APLF: variants seen among roughly 807,000 people sequenced by gnomAD.
APLF encodes the protein aprataxin and PNKP like factor.
A neutral mutation model predicts 55.6 loss-of-function variants in APLF; 61 were observed. The ratio of observed to expected loss-of-function variants is 1.10; its 90% confidence interval spans 0.89 to 1.36. The LOEUF is 1.36. APLF is among the 40% of genes most tolerant of loss of function. The pLI, the probability that APLF is intolerant of heterozygous loss-of-function variation, is 0.00. For missense variants in APLF, 611 were observed against 602.5 expected (o/e 1.01, Z -0.15); for synonymous variants, 207 against 214.8 (o/e 0.96, Z 0.32).
rs1295708645 is a variant in APLF, at chr2:68,579,361, A to C, written c.*1339A>C. On this transcript the variant is annotated 3_prime_UTR_variant, in exon 10 of 10. Coordinates refer to ENST00000303795, the MANE Select transcript of APLF (RefSeq NM_173545.3). ...GTCCCTTTAGCCTTGGTAGTATAAC[A>C]AATCTACGAATGTAATATTTAACTT... 1 of 978,480 alleles carries C rather than the reference A, an allele frequency of 1.0e-6. No homozygotes were observed. The highest frequency in any genetic ancestry group is 1.2e-6 in the Non-Finnish European group (1 of 823,728). The allele number at this position is 978,480 out of a possible 1,614,324, so 60.6% of individuals were successfully genotyped here. A position where few individuals can be genotyped will look rare whatever the true frequency, so the allele number is the denominator to read the frequency against.
At chr2:68,570,891 A>G (rs929109702) in intron 9 of APLF, among the ~76,000 whole-genome samples, 4 of 152,182 alleles carry the variant, frequency 2.6e-5, no homozygotes, top group African/African-American at 9.6e-5. Flanking sequence ...ACAATGGTTG[A>G]ACTAGTTTAC....
chr2:68,566,702 T>C lies in APLF; in HGVS notation c.1287-639T>C, dbSNP rs374447919. 2.6e-4 allele frequency among the ~76,000 whole-genome samples: 40 copies of C among 152,202 alleles called. 1 individual carries two copies. Among genetic ancestry groups the C allele is most frequent in the African/African-American group, 9.4e-4 (39 of 41,536 alleles). On this transcript the variant is annotated intron_variant, in intron 8 of 9. Coordinates refer to ENST00000303795, the MANE Select transcript of APLF (RefSeq NM_173545.3). ...GGATATTTGGAGAATGTCTTGTACA[T>C]ATAGGGTACCCAAACATTTGTTTAA... is the stretch of plus-strand genomic sequence containing the variant.
chr2:68,517,308 T>G (rs1254853361), intron 5 of APLF, among the ~76,000 whole-genome samples: 1 of 118,848 alleles, frequency 8.4e-6, no homozygotes, highest in East Asian at 2.2e-4. Flanking sequence ...CATTACTATA[T>G]AATATATTAA....
intron 8 of APLF, chr2:68,563,008 T>C: frequency 1.1e-6 from 1 of 949,708 alleles, no homozygotes; most frequent in Non-Finnish European, 1.3e-6. Flanking sequence ...CAACAGCAAA[T>C]TTTTGAGCCT....
chr2:68,552,156 T>G (rs1670884643), intron 8 of APLF, among the ~76,000 whole-genome samples: 1 of 152,146 alleles, frequency 6.6e-6, no homozygotes, highest in Admixed American at 6.6e-5. Context: ...GCTAGTTATG[T>G]TTGTTGCAAA....
Position 68,545,026 on chromosome 2 carries a change from A to G in APLF, c.1161-161A>G, listed in dbSNP as rs76506077. ...TTATGTCATCAACTTTATGTCATCA[A>G]TTTAGCATGTTGATGTAATCTGCGC... is the stretch of plus-strand genomic sequence containing the variant. On this transcript the variant is annotated intron_variant, in intron 7 of 9. Transcript: ENST00000303795. 6.2e-3 allele frequency among the ~76,000 whole-genome samples: 939 copies of G among 152,254 alleles called. 28 individuals are homozygous for G. Among genetic ancestry groups the G allele is most frequent in the Admixed American group, 0.047 (712 of 15,282 alleles).
intron 3 of APLF, among the ~76,000 whole-genome samples, chr2:68,507,350 C>T (rs1676897629): frequency 6.6e-6 from 1 of 151,882 alleles, no homozygotes. Context: ...AAGAGCTTGT[C>T]ATTTCTTTAG....
chr2:68,579,459 T>TGTTTTCAATTCCTC lies in APLF; in HGVS notation c.*1437_*1438insGTTTTCAATTCCTC. ...ACTCCTAGGTATATACCCAGAGGAA[T>TGTTTTCAATTCCTC]TGAAAACATTTCCACATAAAAACTG... On this transcript the variant is annotated 3_prime_UTR_variant, in exon 10 of 10. Transcript: ENST00000303795. The TGTTTTCAATTCCTC allele has an allele frequency of 1.1e-6, 1 of 889,146 alleles. No homozygotes were observed. Among genetic ancestry groups the TGTTTTCAATTCCTC allele is most frequent in the Non-Finnish European group, 1.3e-6 (1 of 742,394 alleles). The allele number at this position is 889,146 out of a possible 1,614,324, so 55.1% of individuals were successfully genotyped here. A position where few individuals can be genotyped will look rare whatever the true frequency, so the allele number is the denominator to read the frequency against.
At chr2:68,519,801 G>C (rs1327474997) in intron 5 of APLF, among the ~76,000 whole-genome samples, 1 of 151,396 alleles carries the variant, frequency 6.6e-6, no homozygotes, top group African/African-American at 2.4e-5. Context: ...TCTTTTTCAT[G>C]TAATGACTTC....
chr2:68,470,124 T>C (rs540019599), intron 1 of APLF, among the ~76,000 whole-genome samples: 1 of 152,362 alleles, frequency 6.6e-6, no homozygotes, highest in East Asian at 1.9e-4. Context: ...TAGATTTTGA[T>C]TCTGCTCCAT....
At chr2:68,502,236 G>A (rs1227659346) in intron 2 of APLF, among the ~76,000 whole-genome samples, 2 of 152,074 alleles carry the variant, frequency 1.3e-5, no homozygotes, top group African/African-American at 4.8e-5. Context: ...TGGACTTTGG[G>A]GGACACATTC....
At chr2:68,518,581 A>ATAATATATCAT (rs1669744388) in intron 5 of APLF, among the ~76,000 whole-genome samples, 1 of 89,180 alleles carries the variant, frequency 1.1e-5, no homozygotes, top group Non-Finnish European at 1.8e-5. Context: ...TAATATATCA[A>ATAATATATCAT]TAATATATCA....
rs1176720778 is a variant in APLF at position 68,529,150 on chromosome 2, G to A, written c.804+2908G>A. ...TCCTGGAGTTGCGAGCAGACAGCAC[G>A]GGTTTCTTCCTTGAGGGGGGGCTCC... On this transcript the variant is annotated intron_variant, in intron 6 of 9. Coordinates refer to ENST00000303795, the MANE Select transcript of APLF (RefSeq NM_173545.3). This position sits in a 1 kb window ranked among gnomAD's most constrained non-coding sequence, Gnocchi z 4.4. 3.3e-5 allele frequency: 43 copies of A among 1,307,752 alleles called. 1 individual carries two copies. In the South Asian group the frequency reaches 3.9e-4, roughly 12 times the overall value. 81.0% of individuals were successfully genotyped at this position (1,307,752 alleles called of 1,614,324 possible). A position where few individuals can be genotyped will look rare whatever the true frequency, so the allele number is the denominator to read the frequency against.
At chr2:68,509,184 C>T (rs80144952) in intron 3 of APLF, among the ~76,000 whole-genome samples, 11,859 of 152,062 alleles carry the variant, frequency 0.078, 1,332 homozygotes, top group African/African-American at 0.25. Context: ...GTCTAAAACA[C>T]CAAAAGCAAT....
chr2:68,486,106 T>C (rs1176101636), intron 1 of APLF, among the ~76,000 whole-genome samples: 2 of 152,106 alleles, frequency 1.3e-5, no homozygotes, highest in East Asian at 3.9e-4. Flanking sequence ...AGAGTTTTTT[T>C]GCACTGGTTT....
chr2:68,536,639 A>T (rs13391455), intron 6 of APLF, among the ~76,000 whole-genome samples: 14,405 of 152,190 alleles, frequency 0.095, 825 homozygotes, highest in African/African-American at 0.15. Context: ...AGTACAAATT[A>T]TAAAGGTTCT....
At chr2:68,536,064 G>A (rs1318557254) in intron 6 of APLF, among the ~76,000 whole-genome samples, 1 of 152,164 alleles carries the variant, frequency 6.6e-6, no homozygotes, top group Non-Finnish European at 1.5e-5. Context: ...AGGGGGAACT[G>A]CCTAGTAGGG....
At chr2:68,560,512 T>A in intron 8 of APLF, among the ~76,000 whole-genome samples, 1 of 152,160 alleles carries the variant, frequency 6.6e-6, no homozygotes, top group East Asian at 1.9e-4. Flanking sequence ...ACTATGTTCC[T>A]TACAGTATTT....
At chr2:68,544,859 A>G (rs185712068) in intron 7 of APLF, among the ~76,000 whole-genome samples, 93 of 152,272 alleles carry the variant, frequency 6.1e-4, no homozygotes, top group African/African-American at 1.9e-3. Flanking sequence ...GAAAAGCTAT[A>G]TATATTTATG....
Sources: allele counts gnomAD v4.1 joint callset (sites outside exome capture counted in the v4.1 genomes callset), GRCh38; gene constraint gnomAD v4.1.1; non-coding constraint Gnocchi (gnomAD v3.1); transcripts MANE v1.5; gene names NCBI Gene and HGNC (gene_info 2026-07-23, HGNC 2026-07-21).